Variants in GNAO1 observed in about 807,000 individuals in gnomAD.
GNAO1 encodes G protein subunit alpha o1, also known as guanine nucleotide-binding protein G(o) subunit alpha.
For synonymous variants in GNAO1, 164 were observed against 180.7 expected, an observed-to-expected ratio of 0.91 and a Z score of 0.74; for missense variants, 166 against 478.7, an observed-to-expected ratio of 0.35 and a Z score of 6.10.
intron 2 of GNAO1, among the ~76,000 whole-genome samples, chr16:56,221,380 T>C (rs1162003717): frequency 6.6e-6 from 1 of 152,044 alleles, no homozygotes; most frequent in African/African-American, 2.4e-5. Context: ...CCAGGTGCAG[T>C]GGTTCAAGCC....
intron 3 of GNAO1, among the ~76,000 whole-genome samples, chr16:56,277,776 T>TACACACACACACACACAC (rs60891936): frequency 9.2e-6 from 1 of 108,130 alleles, no homozygotes; most frequent in Non-Finnish European, 1.8e-5. Context: ...GCACACCCCC[T>TACACACACACACACACAC]ACACACACAC....
chr16:56,199,306 AC>A (rs1365234490), intron 2 of GNAO1, among the ~76,000 whole-genome samples: 1 of 152,172 alleles, frequency 6.6e-6, no homozygotes, highest in East Asian at 1.9e-4. Context: ...CTCTAACCAA[AC>A]TTTTCATGCA....
chr16:56,260,790 C>T (rs187542216), intron 2 of GNAO1, among the ~76,000 whole-genome samples: 44 of 152,210 alleles, frequency 2.9e-4, no homozygotes, highest in Middle Eastern at 3.4e-3. Flanking sequence ...GCCTGGGAGC[C>T]GCGGCGGGGC....
At chr16:56,279,546 C>T (rs572243787) in intron 3 of GNAO1, among the ~76,000 whole-genome samples, 3 of 152,310 alleles carry the variant, frequency 2.0e-5, no homozygotes, top group South Asian at 2.1e-4. Flanking sequence ...CCCTCTTCCA[C>T]GTGGAACTGC....
chr16:56,312,563 T>C (rs1336642312), intron 3 of GNAO1, among the ~76,000 whole-genome samples: 2 of 152,242 alleles, frequency 1.3e-5, no homozygotes, highest in Admixed American at 6.5e-5. Flanking sequence ...AGGTCCCTCC[T>C]CGACCCCAAC....
intron 2 of GNAO1, among the ~76,000 whole-genome samples, chr16:56,199,788 C>T (rs969014234): frequency 9.2e-5 from 14 of 152,180 alleles, no homozygotes; most frequent in African/African-American, 3.4e-4. Context: ...TTACCACCCA[C>T]AGCTTTTATC....
chr16:56,318,360 C>G (rs2037535316), intron 3 of GNAO1, among the ~76,000 whole-genome samples: 1 of 152,218 alleles, frequency 6.6e-6, no homozygotes, highest in African/African-American at 2.4e-5. Context: ...GTCTCTCTGC[C>G]CCTTCGCGTT....
Position 56,328,641 on chromosome 16 carries a change from A to G in GNAO1, c.314A>G (p.Lys105Arg). The change falls in exon 4 of 9, where the codon AAG (lysine) becomes AGG (arginine). Residue 105 changes from lysine to arginine, a missense_variant. Lys to Arg is a conservative substitution (Grantham distance 26). Transcript: ENST00000262493. Reference sequence around the variant, plus strand: ...CACCTCTCCTCACAGGCTGACGCCAAGATGGTGTGTGATGTGGTGAGTCGG... The same window carrying G: ...CACCTCTCCTCACAGGCTGACGCCAGGATGGTGTGTGATGTGGTGAGTCGG... ...YGDKERKADA[K>R]MVCDVVSRME... 6.2e-7 allele frequency: 1 copy of G among 1,613,964 alleles called. No individual in the cohort carries two copies.
At chr16:56,214,352 C>T (rs977867989) in intron 2 of GNAO1, among the ~76,000 whole-genome samples, 23 of 152,138 alleles carry the variant, frequency 1.5e-4, no homozygotes, top group Non-Finnish European at 3.1e-4. Flanking sequence ...TGGGCTCCAC[C>T]GTAGACGTGC....
chr16:56,233,463 C>T (rs563392975), intron 2 of GNAO1, among the ~76,000 whole-genome samples: 5 of 152,222 alleles, frequency 3.3e-5, no homozygotes, highest in Admixed American at 6.5e-5. Context: ...GAGCTGCTTG[C>T]TGTAGGCCAA....
Position 56,192,167 on chromosome 16 carries a change from TG to T in GNAO1, c.-63del. On this transcript the variant is annotated 5_prime_UTR_variant, in exon 1 of 9. Coordinates refer to ENST00000262493, the MANE Select transcript of GNAO1 (RefSeq NM_020988.3). ...GCCCAGGCTCTGCTCTCTGGGGGGGTGGGGGGCGCTCCAAGCCGGGGAGCCG... is the reference window on the plus strand; with the variant it reads ...GCCCAGGCTCTGCTCTCTGGGGGGGTGGGGGCGCTCCAAGCCGGGGAGCCG... 5 of 833,920 alleles carry T rather than the reference TG, an allele frequency of 6.0e-6. No individual in the cohort carries two copies. Among genetic ancestry groups the T allele is most frequent in the East Asian group, 2.7e-5 (1 of 37,532 alleles). The allele number at this position is 833,920 out of a possible 1,614,324, so 51.7% of individuals were successfully genotyped here. A position where few individuals can be genotyped will look rare whatever the true frequency, so the allele number is the denominator to read the frequency against.
chr16:56,284,695 G>C (rs2037148282), intron 3 of GNAO1, among the ~76,000 whole-genome samples: 1 of 152,156 alleles, frequency 6.6e-6, no homozygotes, highest in African/African-American at 2.4e-5. Flanking sequence ...AGGTCTGGAA[G>C]AACAGGTCAG....
At chr16:56,252,766 T>TCCTGGC (rs1159855044) in intron 2 of GNAO1, among the ~76,000 whole-genome samples, 2 of 152,152 alleles carry the variant, frequency 1.3e-5, no homozygotes, top group East Asian at 1.9e-4. Flanking sequence ...CCAACCTTCC[T>TCCTGGC]CCTGGCCCCG....
chr16:56,286,346 A>G (rs1255393682), intron 3 of GNAO1, among the ~76,000 whole-genome samples: 1 of 152,176 alleles, frequency 6.6e-6, no homozygotes, highest in Non-Finnish European at 1.5e-5. Flanking sequence ...GATGGAAGAT[A>G]CAACCACACT....
rs1041613412 is a variant in GNAO1 at position 56,326,774 on chromosome 16, C to T, written c.304-1857C>T. Among the ~76,000 whole-genome samples the T allele has an allele frequency of 1.3e-5, 2 of 152,242 alleles. No individual in the cohort carries two copies. Among genetic ancestry groups the T allele is most frequent in the Admixed American group, 6.5e-5 (1 of 15,290 alleles). On this transcript the variant is annotated intron_variant, in intron 3 of 8. Transcript: ENST00000262493. This position sits in a 1 kb window ranked among gnomAD's most constrained non-coding sequence, Gnocchi z 4.8. ...CATGGGCAGAGGCAGGAGGGCGGCC[C>T]GGGGCAGCACCTGCTCTGCTCTCAC... is the stretch of plus-strand genomic sequence containing the variant.
intron 3 of GNAO1, among the ~76,000 whole-genome samples, chr16:56,279,729 G>A (rs540678289): frequency 7.2e-5 from 11 of 152,314 alleles, no homozygotes; most frequent in South Asian, 2.1e-4. Flanking sequence ...GCCCTAAAGT[G>A]TAGTCAGAGT....
At chr16:56,297,441 C>G (rs1307839885) in intron 3 of GNAO1, among the ~76,000 whole-genome samples, 2 of 151,592 alleles carry the variant, frequency 1.3e-5, no homozygotes, top group Non-Finnish European at 2.9e-5. Context: ...ATTTCTAAAT[C>G]CAAACCCAAA....
rs115409562 is a variant in GNAO1, at chr16:56,345,160, T to G, written c.724-6224T>G. 3,317 of 985,894 alleles carry G rather than the reference T, an allele frequency of 3.4e-3. 91 individuals are homozygous for G. In the African/African-American group the frequency reaches 0.052, roughly 15 times the overall value. The allele number at this position is 985,894 out of a possible 1,614,324, so 61.1% of individuals were successfully genotyped here. A position where few individuals can be genotyped will look rare whatever the true frequency, so the allele number is the denominator to read the frequency against. ...GCGGGGTAGCTTCTCCCGGTGACGG[T>G]GACGCAGGTCTGGCTGGCCTTGGGC... On this transcript the variant is annotated intron_variant, in intron 6 of 8. Transcript: ENST00000262493.
intron 3 of GNAO1, among the ~76,000 whole-genome samples, chr16:56,282,248 A>G (rs1442012612): frequency 6.6e-6 from 1 of 152,214 alleles, no homozygotes; most frequent in Non-Finnish European, 1.5e-5. Flanking sequence ...TAAAATAGTA[A>G]TGATCCTGAT....
Sources: allele counts gnomAD v4.1 joint callset (sites outside exome capture counted in the v4.1 genomes callset), GRCh38; gene constraint gnomAD v4.1.1; non-coding constraint Gnocchi (gnomAD v3.1); transcripts MANE v1.5; gene names NCBI Gene and HGNC (gene_info 2026-07-23, HGNC 2026-07-21).